The following SYT1 variants were observed in gnomAD, a reference collection of about 807,000 sequenced individuals.
SYT1 encodes synaptotagmin-1.
Under a neutral mutation model 44.8 loss-of-function variants are expected in SYT1, and 8 were observed. The observed-to-expected ratio is 0.18, with a 90% CI of 0.10 to 0.32. The LOEUF (loss-of-function observed/expected upper bound fraction) is 0.32. SYT1 is among the 10% of genes least tolerant of loss of function. The pLI, the probability that SYT1 is intolerant of heterozygous loss-of-function variation, is 1.00. For missense variants in SYT1, 286 were observed against 509.3 expected (o/e 0.56, Z 4.22); for synonymous variants, 154 against 188.8 (o/e 0.82, Z 1.51).
At chr12:79,170,199 T>C (rs540086093) in intron 3 of SYT1, among the ~76,000 whole-genome samples, 17 of 152,262 alleles carry the variant, frequency 1.1e-4, no homozygotes, top group Admixed American at 5.2e-4. Flanking sequence ...TTTCTATTCC[T>C]TTGAGTATAT....
intron 3 of SYT1, among the ~76,000 whole-genome samples, chr12:79,080,660 C>G (rs759904394): frequency 6.6e-6 from 1 of 152,120 alleles, no homozygotes; most frequent in Non-Finnish European, 1.5e-5. Flanking sequence ...TGAGAATGTA[C>G]TGGCTCCAAT....
intron 2 of SYT1, among the ~76,000 whole-genome samples, chr12:79,000,369 A>G (rs547565160): frequency 3.3e-5 from 5 of 149,254 alleles, no homozygotes; most frequent in Non-Finnish European, 4.4e-5. Flanking sequence ...TCTCAGCTCA[A>G]TGCAACCTCC....
rs1450554643 is a variant in SYT1, at chr12:79,296,096, G to A, written c.502G>A (p.Glu168Lys). 8.7e-6 allele frequency: 14 copies of A among 1,612,146 alleles called. No individual in the cohort carries two copies. The highest frequency in any genetic ancestry group is 2.7e-5 in the African/African-American group (2 of 74,724). ...QLLVGIIQAA[E>K]LPALDMGGTS... ...GCTGGTAGGGATCATTCAGGCTGCC[G>A]AACTGCCCGCCTTGGACATGGGGGG... The change falls in exon 7 of 11, where the codon GAA becomes AAA. Residue 168 changes from glutamate (E) to lysine (K), a missense_variant. By Grantham distance (56) the Glu-to-Lys change is moderately conservative (BLOSUM62 1). Transcript: ENST00000261205.
At chr12:79,286,407 G>A (rs1879316993) in intron 5 of SYT1, among the ~76,000 whole-genome samples, 1 of 152,160 alleles carries the variant, frequency 6.6e-6, no homozygotes, top group South Asian at 2.1e-4. Flanking sequence ...CATCAAACTG[G>A]ATGAAAGCTG....
chr12:79,255,533 A>G (rs998462070), intron 4 of SYT1, among the ~76,000 whole-genome samples: 1 of 152,206 alleles, frequency 6.6e-6, no homozygotes, highest in African/African-American at 2.4e-5. Flanking sequence ...TTATGCCTGT[A>G]CAAAACTGAC....
intron 3 of SYT1, among the ~76,000 whole-genome samples, chr12:79,188,407 G>A (rs1872923670): frequency 6.6e-6 from 1 of 152,078 alleles, no homozygotes; most frequent in Admixed American, 6.6e-5. Flanking sequence ...CTTTCTGAAA[G>A]TGTCCATGTC....
chr12:79,228,993 TCA>T (rs1875699076), intron 4 of SYT1, among the ~76,000 whole-genome samples: 1 of 152,246 alleles, frequency 6.6e-6, no homozygotes, highest in South Asian at 2.1e-4. Context: ...TTCAAATCTC[TCA>T]CTGTTTTGGT....
In SYT1 at chr12:78,864,951, GA is replaced by G; in HGVS notation, c.-371del. 1 of 152,350 alleles carries G rather than the reference GA, an allele frequency of 6.6e-6. No homozygotes were observed. The highest frequency in any genetic ancestry group is 6.5e-5 in the Admixed American group (1 of 15,302). 9.4% of individuals were successfully genotyped at this position (152,350 alleles called of 1,614,324 possible). On this transcript the variant is annotated 5_prime_UTR_variant, in exon 1 of 11. Transcript: ENST00000261205. ...CACGTGGGACCAGCTGGTGGCCCTG[GA>G]AAACCTCCCACACACCCACACCCAC...
At chr12:79,403,460 T>G (rs1423260600) in intron 9 of SYT1, among the ~76,000 whole-genome samples, 1 of 152,162 alleles carries the variant, frequency 6.6e-6, no homozygotes, top group East Asian at 1.9e-4. Flanking sequence ...TTTTTTCTCT[T>G]AAGGCTTCTA....
chr12:79,154,391 G>A (rs192071996), intron 3 of SYT1, among the ~76,000 whole-genome samples: 66 of 151,648 alleles, frequency 4.4e-4, no homozygotes, highest in Non-Finnish European at 6.8e-4. Context: ...TATGACATAG[G>A]TACGTTTTTT....
intron 3 of SYT1, among the ~76,000 whole-genome samples, chr12:79,143,686 T>A (rs926258016): frequency 2.6e-5 from 4 of 152,252 alleles, no homozygotes; most frequent in Non-Finnish European, 4.4e-5. Flanking sequence ...ATTCTTTTTT[T>A]AATTTTTCAT....
chr12:79,347,136 A>G (rs1036111064), intron 8 of SYT1, among the ~76,000 whole-genome samples: 1 of 151,504 alleles, frequency 6.6e-6, no homozygotes, highest in African/African-American at 2.4e-5. Flanking sequence ...TGGATTTTCC[A>G]ACTAAGCAAA....
chr12:79,031,845 C>T (rs1199518043), intron 2 of SYT1, among the ~76,000 whole-genome samples: 1 of 151,020 alleles, frequency 6.6e-6, no homozygotes, highest in African/African-American at 2.4e-5. Flanking sequence ...CAAAGTATCT[C>T]CTGTACCCGT....
At chr12:79,274,939 T>C (rs1646849379) in intron 4 of SYT1, among the ~76,000 whole-genome samples, 1 of 152,196 alleles carries the variant, frequency 6.6e-6, no homozygotes, top group Non-Finnish European at 1.5e-5. Context: ...AGCTGGTGCT[T>C]GCACCTGCCA....
At chr12:79,372,030 G>A (rs972279490) in intron 9 of SYT1, among the ~76,000 whole-genome samples, 2 of 152,142 alleles carry the variant, frequency 1.3e-5, no homozygotes, top group African/African-American at 4.8e-5. Context: ...TCATGAGAAT[G>A]AATTGTTTAA....
intron 3 of SYT1, among the ~76,000 whole-genome samples, chr12:79,216,843 T>G (rs551617199): frequency 2.6e-5 from 4 of 152,292 alleles, no homozygotes; most frequent in Admixed American, 2.6e-4. Context: ...ATGCCACATT[T>G]ATAGTGACTT....
intron 1 of SYT1, among the ~76,000 whole-genome samples, chr12:78,941,694 A>G (rs1449626583): frequency 6.6e-6 from 1 of 152,176 alleles, no homozygotes; most frequent in Non-Finnish European, 1.5e-5. Flanking sequence ...TACAACCAAC[A>G]GTCTCCACCA....
chr12:79,442,218 C>G (rs975650470), intron 9 of SYT1, among the ~76,000 whole-genome samples: 3 of 152,170 alleles, frequency 2.0e-5, no homozygotes, highest in Admixed American at 6.5e-5. Context: ...GGCGACATGA[C>G]TAGCTTTATA....
chr12:78,958,794 C>A (rs145273809), intron 1 of SYT1, among the ~76,000 whole-genome samples: 2,279 of 152,094 alleles, frequency 0.015, 64 homozygotes, highest in African/African-American at 0.052. Flanking sequence ...TATGCTTAAC[C>A]TCATTTTGGA....
Sources: allele counts gnomAD v4.1 joint callset (sites outside exome capture counted in the v4.1 genomes callset), GRCh38; gene constraint gnomAD v4.1.1; transcripts MANE v1.5; gene names NCBI Gene and HGNC (gene_info 2026-07-23, HGNC 2026-07-21).